The following PDE5A variants were observed in gnomAD, a reference collection of about 807,000 sequenced individuals.
The protein encoded by PDE5A is phosphodiesterase 5A.
Under a neutral mutation model 110.2 loss-of-function variants are expected in PDE5A, and 67 were observed. The ratio of observed to expected loss-of-function variants is 0.61; its 90% CI spans 0.50 to 0.75. The LOEUF (loss-of-function observed/expected upper bound fraction) is 0.75. Ranked by LOEUF, PDE5A falls within the 30% of genes least tolerant of loss-of-function variation. The pLI, the probability that PDE5A is intolerant of heterozygous loss-of-function variation, is 0.00. For synonymous variants in PDE5A, 328 were observed against 351.2 expected, an observed-to-expected ratio of 0.93 and a Z score of 0.74; for missense variants, 862 against 1,045.1, an observed-to-expected ratio of 0.82 and a Z score of 2.42.
chr4:119,519,664 C>T (rs1726050359), intron 13 of PDE5A: 1 of 152,110 alleles, frequency 6.6e-6, no homozygotes, highest in East Asian at 1.9e-4. Context: ...TGAGTATTAT[C>T]ATTAATACTG....
intron 1 of PDE5A, among the ~76,000 whole-genome samples, chr4:119,620,822 G>A (rs1730117092): frequency 6.6e-6 from 1 of 152,158 alleles, no homozygotes; most frequent in Non-Finnish European, 1.5e-5. Context: ...AATTTAATAT[G>A]CATATATGCC....
At chr4:119,510,137 A>G (rs1725688343) in intron 15 of PDE5A, among the ~76,000 whole-genome samples, 1 of 151,964 alleles carries the variant, frequency 6.6e-6, no homozygotes, top group South Asian at 2.1e-4. Flanking sequence ...GAAACTTTAA[A>G]TCATGTTCAA....
intron 15 of PDE5A, among the ~76,000 whole-genome samples, chr4:119,509,953 C>T (rs762352767): frequency 2.6e-5 from 4 of 151,928 alleles, no homozygotes; most frequent in Non-Finnish European, 5.9e-5. Context: ...GCAAGGCACT[C>T]ATATCAGTAC....
chr4:119,586,067 C>T (rs2110526103), intron 3 of PDE5A, among the ~76,000 whole-genome samples: 1 of 152,288 alleles, frequency 6.6e-6, no homozygotes, highest in Middle Eastern at 3.4e-3. Context: ...ATTCCTGAAC[C>T]ACAAAAACTA....
intron 1 of PDE5A, among the ~76,000 whole-genome samples, chr4:119,618,519 A>C (rs1730021234): frequency 6.6e-6 from 1 of 152,148 alleles, no homozygotes; most frequent in Admixed American, 6.5e-5. Context: ...ACTTACATAT[A>C]ACAAAATTTT....
Position 119,510,995 on chromosome 4 carries a change from G to C in PDE5A, c.2088+52C>G. 2.8e-6 allele frequency: 3 copies of C among 1,059,480 alleles called. No individual in the cohort carries two copies. The South Asian group carries it at 4.4e-5, about 15-fold the overall frequency. 65.6% of individuals were successfully genotyped at this position (1,059,480 alleles called of 1,614,324 possible). A position where few individuals can be genotyped will look rare whatever the true frequency, so the allele number is the denominator to read the frequency against. On this transcript the variant is annotated intron_variant, in intron 15 of 20. Transcript: ENST00000354960. Reference sequence around the variant, plus strand: ...AAATCCAAGAACTAAAAATAAAACTGAATTTATAAAGCTCTCTTTTAAAAT... The same window carrying C: ...AAATCCAAGAACTAAAAATAAAACTCAATTTATAAAGCTCTCTTTTAAAAT...
At chr4:119,543,255 A>G (rs2110487805) in intron 9 of PDE5A, 1 of 152,342 alleles carries the variant, frequency 6.6e-6, no homozygotes, top group East Asian at 1.9e-4. Flanking sequence ...CACGTAGTCA[A>G]TAAAAATGGA....
chr4:119,569,878 T>C (rs537285738), intron 3 of PDE5A: 1 of 152,428 alleles, frequency 6.6e-6, no homozygotes, highest in Non-Finnish European at 1.5e-5. Flanking sequence ...AGGATGTGCA[T>C]AGGTTTTATG....
At chr4:119,515,344 C>T (rs1335965333) in intron 14 of PDE5A, among the ~76,000 whole-genome samples, 2 of 152,178 alleles carry the variant, frequency 1.3e-5, no homozygotes, top group Non-Finnish European at 2.9e-5. Context: ...GACTTCAGCT[C>T]ACTTCTGTCC....
At chr4:119,565,902 T>G (rs1727912876) in intron 4 of PDE5A, among the ~76,000 whole-genome samples, 1 of 150,494 alleles carries the variant, frequency 6.6e-6, no homozygotes, top group Admixed American at 6.6e-5. Context: ...TAAACTATAC[T>G]AGGGTAATGT....
chr4:119,542,365 G>T, intron 10 of PDE5A, 94 bp downstream of exon 10: 1 of 1,152,598 alleles, frequency 8.7e-7, no homozygotes, highest in South Asian at 1.7e-5. Flanking sequence ...AGGACACAAT[G>T]ACGGAACACA....
intron 1 of PDE5A, among the ~76,000 whole-genome samples, chr4:119,617,064 A>G (rs1729968189): frequency 6.6e-6 from 1 of 152,172 alleles, no homozygotes; most frequent in Non-Finnish European, 1.5e-5. Flanking sequence ...AAGTTTATAA[A>G]TTGATTAATA....
intron 3 of PDE5A, among the ~76,000 whole-genome samples, chr4:119,586,815 T>C (rs1008587521): frequency 6.6e-6 from 1 of 152,190 alleles, no homozygotes. Context: ...AGCTTCCTAT[T>C]GAATAAAATA....
intron 3 of PDE5A, among the ~76,000 whole-genome samples, chr4:119,590,194 G>C (rs939318533): frequency 3.9e-5 from 6 of 152,056 alleles, no homozygotes; most frequent in Admixed American, 3.9e-4. Flanking sequence ...TAAGATAATG[G>C]GTTACCTCTT....
intron 7 of PDE5A, among the ~76,000 whole-genome samples, chr4:119,560,067 G>C (rs1001732045): frequency 6.6e-6 from 1 of 152,076 alleles, no homozygotes; most frequent in Non-Finnish European, 1.5e-5. Flanking sequence ...GTCTAGTAAT[G>C]AGTTTTGATT....
At chr4:119,568,361 C>T (rs917422056) in intron 3 of PDE5A, among the ~76,000 whole-genome samples, 1 of 151,998 alleles carries the variant, frequency 6.6e-6, no homozygotes, top group Non-Finnish European at 1.5e-5. Context: ...ATTGTAGTTA[C>T]GAATGTTCAC....
chr4:119,617,424 T>A (rs551109389), intron 1 of PDE5A, among the ~76,000 whole-genome samples: 1 of 152,142 alleles, frequency 6.6e-6, no homozygotes, highest in African/African-American at 2.4e-5. Context: ...CCTGTGGCAA[T>A]AACTTTACTT....
chr4:119,576,371 C>T (rs376265836), intron 3 of PDE5A, among the ~76,000 whole-genome samples: 18 of 152,314 alleles, frequency 1.2e-4, no homozygotes, highest in East Asian at 1.2e-3. Flanking sequence ...CACCCCAAAT[C>T]AACAGAATAT....
At chr4:119,536,556 A>G (rs1454933588) in intron 11 of PDE5A, among the ~76,000 whole-genome samples, 1 of 152,200 alleles carries the variant, frequency 6.6e-6, no homozygotes, top group East Asian at 1.9e-4. Flanking sequence ...TCATCAACAT[A>G]CAAAATAAAT....
Sources: allele counts gnomAD v4.1 joint callset (sites outside exome capture counted in the v4.1 genomes callset), GRCh38; gene constraint gnomAD v4.1.1; transcripts MANE v1.5; gene names NCBI Gene and HGNC (gene_info 2026-07-23, HGNC 2026-07-21).